The following PRICKLE1 variants were observed in gnomAD, a reference collection of about 807,000 sequenced individuals.
PRICKLE1 encodes the protein prickle-like protein 1.
In PRICKLE1, 14 loss-of-function variants were observed where a neutral mutation model predicts 70.2. That is an observed-to-expected ratio of 0.20 (90% CI 0.13 to 0.31). PRICKLE1 has a LOEUF of 0.31. Among genes scored for constraint, PRICKLE1 ranks in the 10% least tolerant of loss-of-function variants. The probability of loss-of-function intolerance (pLI) is 1.00; values close to 1 mark genes in which losing one functional copy is unlikely to be tolerated. For missense variants in PRICKLE1, 821 were observed against 1,026.2 expected (o/e 0.80, Z 2.73); for synonymous variants, 357 against 379.9 (o/e 0.94, Z 0.70).
At chr12:42,474,056 A>G (rs939124091) in intron 1 of PRICKLE1, among the ~76,000 whole-genome samples, 1 of 151,980 alleles carries the variant, frequency 6.6e-6, no homozygotes, top group Admixed American at 6.6e-5. Flanking sequence ...GATGGATCAC[A>G]AGGTCAGGAG....
At chr12:42,501,280 A>G (rs1796343) in intron 1 of PRICKLE1, among the ~76,000 whole-genome samples, 26,396 of 152,036 alleles carry the variant, frequency 0.17, 3,040 homozygotes, top group African/African-American at 0.31. Context: ...TGAGGCAGGC[A>G]GATCATGAGG....
At chr12:42,548,497 C>A (rs1940250989) in intron 1 of PRICKLE1, among the ~76,000 whole-genome samples, 1 of 152,186 alleles carries the variant, frequency 6.6e-6, no homozygotes, top group Non-Finnish European at 1.5e-5. Context: ...AGACACCCAT[C>A]TAGAAGGGGG....
intron 1 of PRICKLE1, among the ~76,000 whole-genome samples, chr12:42,486,046 T>G (rs1437868718): frequency 6.6e-6 from 1 of 152,194 alleles, no homozygotes; most frequent in Admixed American, 6.5e-5. Context: ...CATCCTTTTG[T>G]TTCAGCCAGG....
chr12:42,547,000 A>G (rs1940226906), intron 1 of PRICKLE1, among the ~76,000 whole-genome samples: 1 of 152,162 alleles, frequency 6.6e-6, no homozygotes, highest in African/African-American at 2.4e-5. Context: ...GACAAAATAT[A>G]CCCCAAGTTT....
Position 42,566,804 on chromosome 12 carries a change from C to T in PRICKLE1, c.-49+22661G>A, listed in dbSNP as rs561169169. Among the ~76,000 whole-genome samples the T allele has an allele frequency of 6.6e-5, 10 of 152,282 alleles. No individual in the cohort carries two copies. In the East Asian group the frequency reaches 1.9e-3, roughly 29 times the overall value. On this transcript the variant is annotated intron_variant, in intron 1 of 7. Coordinates refer to ENST00000345127, the MANE Select transcript of PRICKLE1 (RefSeq NM_153026.3). ...CTCTCACTGGGGTTAATACAGTCAT[C>T]AGGGTCTGGTGTCCTAAACTTGGCT...
chr12:42,523,125 C>A (rs1419074172), intron 1 of PRICKLE1, among the ~76,000 whole-genome samples: 2 of 152,126 alleles, frequency 1.3e-5, no homozygotes, highest in African/African-American at 4.8e-5. Context: ...CCATGCCAGG[C>A]TAATTTTTTT....
chr12:42,514,905 CT>C (rs1247996181), intron 1 of PRICKLE1, among the ~76,000 whole-genome samples: 1 of 111,364 alleles, frequency 9.0e-6, no homozygotes, highest in Non-Finnish European at 2.2e-5. Context: ...ATCTATCTAT[CT>C]ATCTATCTAT....
At position 42,457,760 on chromosome 12, in the gene PRICKLE1, G is replaced by C. The variant is rs111928412; in HGVS notation, c.*2049C>G. On this transcript the variant is annotated 3_prime_UTR_variant, in exon 8 of 8. Transcript: ENST00000345127. ...TACAAAGGGAAAAAAGCATGTCACA[G>C]CACATATAGGTCACTACCACTTTTA... The C allele has an allele frequency of 1.3e-5, 2 of 152,296 alleles. No homozygotes were observed. Among genetic ancestry groups the C allele is most frequent in the African/African-American group, 4.8e-5 (2 of 41,562 alleles). 9.4% of individuals were successfully genotyped at this position (152,296 alleles called of 1,614,324 possible). A position where few individuals can be genotyped will look rare whatever the true frequency, so the allele number is the denominator to read the frequency against.
chr12:42,464,247 C>T lies in PRICKLE1; in HGVS notation c.1639+148G>A, dbSNP rs1937984526. The T allele has an allele frequency of 2.0e-6, 2 of 1,017,634 alleles. No individual in the cohort carries two copies. The highest frequency in any genetic ancestry group is 3.1e-6 in the Non-Finnish European group (2 of 652,668). 63.0% of individuals were successfully genotyped at this position (1,017,634 alleles called of 1,614,324 possible). A position where few individuals can be genotyped will look rare whatever the true frequency, so the allele number is the denominator to read the frequency against. On this transcript the variant is annotated intron_variant, in intron 7 of 7. Transcript: ENST00000345127. This position sits in a 1 kb window ranked among gnomAD's most constrained non-coding sequence, Gnocchi z 4.2. ...TGTTGCCTGGGCTGGTCTCGAACTC[C>T]TGACCTCAAATGATCTGCCCACCTC...
intron 1 of PRICKLE1, among the ~76,000 whole-genome samples, chr12:42,503,303 C>T (rs1481933967): frequency 6.6e-6 from 1 of 152,112 alleles, no homozygotes; most frequent in Admixed American, 6.6e-5. Context: ...CTTTTGACAA[C>T]ATTTCACACC....
At chr12:42,563,213 A>C (rs1337703559) in intron 1 of PRICKLE1, among the ~76,000 whole-genome samples, 1 of 151,898 alleles carries the variant, frequency 6.6e-6, no homozygotes, top group Admixed American at 6.6e-5. Flanking sequence ...GAACAGGACA[A>C]TTTTATGGTT....
At chr12:42,563,502 A>G (rs768911755) in intron 1 of PRICKLE1, among the ~76,000 whole-genome samples, 14 of 151,542 alleles carry the variant, frequency 9.2e-5, no homozygotes, top group Non-Finnish European at 1.2e-4. Flanking sequence ...GATCGAGACC[A>G]TCCTGGCTAA....
chr12:42,555,915 A>T (rs1211949657), intron 1 of PRICKLE1, among the ~76,000 whole-genome samples: 1 of 152,218 alleles, frequency 6.6e-6, no homozygotes, highest in East Asian at 1.9e-4. Flanking sequence ...GAGAGTAAAA[A>T]GAATTATGCC....
At chr12:42,516,265 G>A (rs1006922373) in intron 1 of PRICKLE1, among the ~76,000 whole-genome samples, 3 of 152,036 alleles carry the variant, frequency 2.0e-5, no homozygotes, top group Non-Finnish European at 4.4e-5. Context: ...CCGAGTAGCT[G>A]GGACTACAGG....
intron 1 of PRICKLE1, among the ~76,000 whole-genome samples, chr12:42,554,264 G>A (rs955352366): frequency 9.2e-5 from 14 of 152,164 alleles, no homozygotes. Flanking sequence ...AAGAACGCAT[G>A]TAAGTCTTGA....
chr12:42,557,772 T>A (rs1017969030), intron 1 of PRICKLE1, among the ~76,000 whole-genome samples: 1 of 152,244 alleles, frequency 6.6e-6, no homozygotes, highest in Admixed American at 6.5e-5. Context: ...ATGACTGTTT[T>A]ATGTAACCAT....
At chr12:42,551,319 A>G (rs1048423239) in intron 1 of PRICKLE1, among the ~76,000 whole-genome samples, 58 of 152,234 alleles carry the variant, frequency 3.8e-4, no homozygotes, top group African/African-American at 1.2e-3. Flanking sequence ...TGTGAACCAC[A>G]TATCTGCCTT....
At chr12:42,539,534 A>G (rs1210063286) in intron 1 of PRICKLE1, among the ~76,000 whole-genome samples, 2 of 151,834 alleles carry the variant, frequency 1.3e-5, no homozygotes, top group South Asian at 2.1e-4. Context: ...GAGACCTTCT[A>G]TTTTACCCTG....
chr12:42,540,906 TC>T (rs1360412908), intron 1 of PRICKLE1, among the ~76,000 whole-genome samples: 1 of 152,154 alleles, frequency 6.6e-6, no homozygotes, highest in African/African-American at 2.4e-5. Flanking sequence ...CTCCTTAAGA[TC>T]CTCTCACTTT....
Sources: allele counts gnomAD v4.1 joint callset (sites outside exome capture counted in the v4.1 genomes callset), GRCh38; gene constraint gnomAD v4.1.1; non-coding constraint Gnocchi (gnomAD v3.1); transcripts MANE v1.5; gene names NCBI Gene and HGNC (gene_info 2026-07-23, HGNC 2026-07-21).